SLC35E2B: variants seen among roughly 807,000 people sequenced by gnomAD.
The protein encoded by SLC35E2B is solute carrier family 35 member E2B.
A neutral mutation model predicts 32.4 loss-of-function variants in SLC35E2B; 18 were observed. The ratio of observed to expected loss-of-function variants is 0.56; its 90% CI spans 0.38 to 0.82. The LOEUF is 0.82. Among genes scored for constraint, SLC35E2B ranks in the 40% least tolerant of loss-of-function variants. SLC35E2B has a pLI of 0.00. For missense variants in SLC35E2B, 263 were observed against 469.5 expected (o/e 0.56, Z 4.06); for synonymous variants, 132 against 209.1 (o/e 0.63, Z 3.18).
intron 2 of SLC35E2B, among the ~76,000 whole-genome samples, chr1:1,687,489 C>T (rs1643966312): frequency 1.3e-5 from 2 of 152,012 alleles, no homozygotes; most frequent in South Asian, 2.1e-4. Context: ...CCTGTAATCC[C>T]AGCACTTTGG....
chr1:1,664,713 C>G lies in SLC35E2B; in HGVS notation c.*1069G>C. The G allele has an allele frequency of 5.7e-6, 5 of 882,808 alleles. No homozygotes were observed. The highest frequency in any genetic ancestry group is 6.7e-6 in the Non-Finnish European group (5 of 745,404). 54.7% of individuals were successfully genotyped at this position (882,808 alleles called of 1,614,324 possible). A position where few individuals can be genotyped will look rare whatever the true frequency, so the allele number is the denominator to read the frequency against. ...GGACAGGGTGGGCGCCTGACACACA[C>G]CACGCGCCCCAGAAACATTCAGTGT... On this transcript the variant is annotated 3_prime_UTR_variant, in exon 10 of 10. Coordinates refer to ENST00000617444, the MANE Select transcript of SLC35E2B (RefSeq NM_001290264.2).
intron 2 of SLC35E2B, among the ~76,000 whole-genome samples, chr1:1,683,553 C>T (rs751455960): frequency 1.3e-5 from 2 of 152,192 alleles, no homozygotes; most frequent in Non-Finnish European, 2.9e-5. Context: ...CACCACAATC[C>T]GAAGACCATC....
chr1:1,673,713 A>C (rs1462508980), intron 5 of SLC35E2B, among the ~76,000 whole-genome samples: 1 of 151,750 alleles, frequency 6.6e-6, no homozygotes, highest in Non-Finnish European at 1.5e-5. Flanking sequence ...CTGTAATCCC[A>C]GCACTTTGGG....
intron 9 of SLC35E2B, among the ~76,000 whole-genome samples, chr1:1,667,397 A>T (rs1009356916): frequency 6.6e-6 from 1 of 150,564 alleles, no homozygotes; most frequent in Non-Finnish European, 1.5e-5. Flanking sequence ...TGGGTGAAAG[A>T]GTGAGACTCT....
At chr1:1,670,017 T>C (rs1570315776) in intron 7 of SLC35E2B, 81 bp downstream of exon 7, 3 of 1,252,638 alleles carry the variant, frequency 2.4e-6, no homozygotes, top group African/African-American at 3.0e-5. Flanking sequence ...GTCAGGCCTG[T>C]GGGGTGTTCT....
rs1643471692 is a variant in SLC35E2B at position 1,663,880 on chromosome 1, A to G, written c.*1902T>C. On this transcript the variant is annotated 3_prime_UTR_variant, in exon 10 of 10. Coordinates refer to ENST00000617444, the MANE Select transcript of SLC35E2B (RefSeq NM_001290264.2). ...CACACACCTGGCCTGTCCTCCACAC[A>G]CAGGTCAGCGGTTTTATAGAAGCGG... is the stretch of plus-strand genomic sequence containing the variant. 10 of 858,960 alleles carry G rather than the reference A, an allele frequency of 1.2e-5. No homozygotes were observed. The South Asian group carries it at 4.1e-4, about 35-fold the overall frequency. 53.2% of individuals were successfully genotyped at this position (858,960 alleles called of 1,614,324 possible). A position where few individuals can be genotyped will look rare whatever the true frequency, so the allele number is the denominator to read the frequency against.
rs1194876775 is a variant in SLC35E2B, at chr1:1,662,953, G to A, written c.*2829C>T. 7.7e-6 allele frequency: 7 copies of A among 914,628 alleles called. No individual in the cohort carries two copies. Among genetic ancestry groups the A allele is most frequent in the Non-Finnish European group, 9.2e-6 (7 of 764,582 alleles). The allele number at this position is 914,628 out of a possible 1,614,324, so 56.7% of individuals were successfully genotyped here. A position where few individuals can be genotyped will look rare whatever the true frequency, so the allele number is the denominator to read the frequency against. On this transcript the variant is annotated 3_prime_UTR_variant, in exon 10 of 10. Transcript: ENST00000617444. ...TATTTTAAAAAATGTCTGTACAATC[G>A]TTAACACGGCCAAGCCAGGCCTTGG...
chr1:1,675,463 C>T lies in SLC35E2B; in HGVS notation c.586G>A (p.Gly196Arg), dbSNP rs768957567. The change falls in exon 5 of 10, where the codon GGG becomes AGG. Residue 196 changes from glycine (G) to arginine (R), a missense_variant and splice_region_variant. Gly to Arg is a moderately radical substitution (Grantham distance 125). Coordinates refer to ENST00000617444, the MANE Select transcript of SLC35E2B (RefSeq NM_001290264.2). ...MSRMILGEYT[G>R]LLVNLSLIPV... ...GAGGGGCGGGGCCCGGGGGCCTCAC[C>T]TGTGTACTCCCCCAGAATCATCCGA... 1.7e-5 allele frequency: 28 copies of T among 1,611,696 alleles called. No individual in the cohort carries two copies. Among genetic ancestry groups the T allele is most frequent in the Non-Finnish European group, 2.2e-5 (26 of 1,179,350 alleles).
chr1:1,683,194 C>T (rs942302766), intron 2 of SLC35E2B, among the ~76,000 whole-genome samples: 7 of 152,196 alleles, frequency 4.6e-5, no homozygotes, highest in African/African-American at 1.7e-4. Context: ...CCACGTTGAG[C>T]AATTCTCCAC....
At chr1:1,666,047 G>C (rs901817186) in intron 9 of SLC35E2B, 28 bp from the exon 10 acceptor site, 1 of 1,541,832 alleles carries the variant, frequency 6.5e-7, no homozygotes, top group East Asian at 2.5e-5. Flanking sequence ...GGCAGCAGGG[G>C]CGCTCAGGGC....
chr1:1,689,459 G>A (rs1002706711), intron 2 of SLC35E2B, among the ~76,000 whole-genome samples: 2 of 151,606 alleles, frequency 1.3e-5, no homozygotes, highest in African/African-American at 4.8e-5. Flanking sequence ...GACACACGAA[G>A]GAAAGACACG....
At chr1:1,682,160 G>A (rs1238171758) in intron 2 of SLC35E2B, among the ~76,000 whole-genome samples, 2 of 151,904 alleles carry the variant, frequency 1.3e-5, no homozygotes, top group East Asian at 3.9e-4. Context: ...GTGCCCGGCT[G>A]GGTGCAACCT....
At chr1:1,678,931 A>T (rs969160614) in intron 2 of SLC35E2B, among the ~76,000 whole-genome samples, 1 of 152,056 alleles carries the variant, frequency 6.6e-6, no homozygotes, top group Non-Finnish European at 1.5e-5. Flanking sequence ...AAATCCAACA[A>T]CAAAGGGTGC....
intron 2 of SLC35E2B, among the ~76,000 whole-genome samples, chr1:1,690,202 C>G (rs1644001861): frequency 6.8e-6 from 1 of 147,624 alleles, no homozygotes; most frequent in Non-Finnish European, 1.5e-5. Flanking sequence ...ATCACTTGAA[C>G]ACGGGAGGCA....
chr1:1,673,380 G>C lies in SLC35E2B; in HGVS notation c.587-1751C>G. 2 of 436,742 alleles carry C rather than the reference G, an allele frequency of 4.6e-6. 1 individual carries two copies. The highest frequency in any genetic ancestry group is 3.3e-5 in the South Asian group (2 of 60,234). 27.1% of individuals were successfully genotyped at this position (436,742 alleles called of 1,614,324 possible). ...AACTGAAGTTGGTGGTGGTGAGAAA[G>C]TTATTATGGGCAGGTGCAGCAGCTC... On this transcript the variant is annotated intron_variant, in intron 5 of 9. Transcript: ENST00000617444.
chr1:1,689,195 G>C (rs1557768193), intron 2 of SLC35E2B, among the ~76,000 whole-genome samples: 2 of 152,084 alleles, frequency 1.3e-5, no homozygotes, highest in Non-Finnish European at 2.9e-5. Flanking sequence ...AACAGGTCTG[G>C]TGTACCCAGA....
chr1:1,679,818 C>A (rs1177045297), intron 2 of SLC35E2B, among the ~76,000 whole-genome samples: 5 of 133,124 alleles, frequency 3.8e-5, no homozygotes, highest in Non-Finnish European at 7.8e-5. Context: ...AGCAACAGAG[C>A]GAGACTCCCG....
chr1:1,669,525 A>G, intron 8 of SLC35E2B, 139 bp downstream of exon 8: 2 of 734,466 alleles, frequency 2.7e-6, no homozygotes, highest in Non-Finnish European at 4.2e-6. Context: ...TCCCAGGGCA[A>G]CTCAGCTAAG....
intron 2 of SLC35E2B, among the ~76,000 whole-genome samples, chr1:1,684,776 C>T (rs1229064287): frequency 1.4e-4 from 13 of 89,790 alleles, no homozygotes; most frequent in Admixed American, 4.8e-4. Flanking sequence ...GGCAACAGAG[C>T]GAGACTCCAT....
Sources: gnomAD v4.1 joint callset for allele counts (sites outside exome capture counted in the v4.1 genomes callset) on GRCh38, gnomAD v4.1.1 for gene constraint, MANE v1.5 for transcripts, NCBI Gene and HGNC (gene_info 2026-07-23, HGNC 2026-07-21) for gene names.